Variants in FEZ1 observed in about 807,000 individuals in gnomAD.
FEZ1 encodes fasciculation and elongation protein zeta-1.
Under a neutral mutation model 49.3 loss-of-function variants are expected in FEZ1, and 20 were observed. The ratio of observed to expected loss-of-function variants is 0.41; its 90% CI spans 0.29 to 0.59. The LOEUF (loss-of-function observed/expected upper bound fraction) is 0.59. Among genes scored for constraint, FEZ1 ranks in the 20% least tolerant of loss-of-function variants. The pLI is 0.36. For synonymous variants in FEZ1, 170 were observed against 180.9 expected (o/e 0.94, Z 0.48); for missense variants, 413 against 476.0 (o/e 0.87, Z 1.23).
Position 125,495,671 on chromosome 11 carries a change from A to G in FEZ1, c.-46+450T>C. 2.5e-6 allele frequency: 1 copy of G among 395,144 alleles called. No individual in the cohort carries two copies. The highest frequency in any genetic ancestry group is 5.2e-6 in the Non-Finnish European group (1 of 193,320). 24.5% of individuals were successfully genotyped at this position (395,144 alleles called of 1,614,324 possible). A position where few individuals can be genotyped will look rare whatever the true frequency, so the allele number is the denominator to read the frequency against. ...GGCGTTTACGGTGACTGGACCAGAT[A>G]ACGGTCCCGGGACGAGGTACCGACC... On this transcript the variant is annotated intron_variant, in intron 1 of 9. Transcript: ENST00000278919. The surrounding 1 kb of genome is among the most constrained non-coding windows in gnomAD (Gnocchi z 4.2).
At position 125,443,358 on chromosome 11, in the gene FEZ1, C is replaced by T. The variant is rs993003378; in HGVS notation, c.*2737G>A. Among the ~76,000 whole-genome samples, 1 of 152,210 alleles carries T rather than the reference C, an allele frequency of 6.6e-6. No individual in the cohort carries two copies. Among genetic ancestry groups the T allele is most frequent in the African/African-American group, 2.4e-5 (1 of 41,452 alleles). ...CAATTGGGTTCACCTGATAATCACA[C>T]TAGCCACAAATTCCCTAGGTTCAGC... is the stretch of plus-strand genomic sequence containing the variant. On this transcript the variant is annotated 3_prime_UTR_variant, in exon 10 of 10. Transcript: ENST00000278919.
At chr11:125,481,739 G>T in intron 2 of FEZ1, 106 bp from the exon 3 acceptor site, 1 of 809,012 alleles carries the variant, frequency 1.2e-6, no homozygotes, top group Non-Finnish European at 2.2e-6. Flanking sequence ...TGTGTGCCAG[G>T]CTGAGATCAT....
intron 3 of FEZ1, among the ~76,000 whole-genome samples, chr11:125,474,885 C>A (rs1019514175): frequency 7.2e-5 from 11 of 151,866 alleles, no homozygotes; most frequent in African/African-American, 2.7e-4. Flanking sequence ...AAGACTCCAA[C>A]TCAAAGAAAA....
At chr11:125,466,993 A>T (rs1426402747) in intron 3 of FEZ1, among the ~76,000 whole-genome samples, 1 of 151,120 alleles carries the variant, frequency 6.6e-6, no homozygotes, top group Non-Finnish European at 1.5e-5. Context: ...ACCTTCAGAC[A>T]AAAAGTAAAA....
At chr11:125,450,437 C>T (rs980520089) in intron 8 of FEZ1, among the ~76,000 whole-genome samples, 3 of 152,200 alleles carry the variant, frequency 2.0e-5, no homozygotes, top group Admixed American at 6.5e-5. Context: ...ACGAAGATCA[C>T]GTAAAAATAC....
At chr11:125,487,816 A>G (rs1957339414) in intron 2 of FEZ1, among the ~76,000 whole-genome samples, 1 of 152,234 alleles carries the variant, frequency 6.6e-6, no homozygotes, top group Middle Eastern at 3.2e-3. Context: ...TGTATTAGAC[A>G]GTGGGGCTGT....
intron 2 of FEZ1, among the ~76,000 whole-genome samples, chr11:125,486,316 A>G (rs1463623981): frequency 1.3e-5 from 2 of 152,172 alleles, no homozygotes; most frequent in African/African-American, 2.4e-5. Flanking sequence ...AGGGCCGTCA[A>G]TTTCCATTTT....
At chr11:125,484,928 T>C (rs1256164643) in intron 2 of FEZ1, among the ~76,000 whole-genome samples, 1 of 152,026 alleles carries the variant, frequency 6.6e-6, no homozygotes, top group Non-Finnish European at 1.5e-5. Flanking sequence ...CAGCTTTCTG[T>C]GAGGAAGAGA....
intron 2 of FEZ1, 107 bp from the exon 3 acceptor site, chr11:125,481,740 C>T (rs1957281192): frequency 2.5e-6 from 2 of 785,460 alleles, no homozygotes; most frequent in Middle Eastern, 7.2e-4. Flanking sequence ...GTGTGCCAGG[C>T]TGAGATCATC....
In FEZ1 at chr11:125,446,040, T is replaced by C. The variant is rs866081602; in HGVS notation, c.*55A>G. On this transcript the variant is annotated 3_prime_UTR_variant, in exon 10 of 10. Coordinates refer to ENST00000278919, the MANE Select transcript of FEZ1 (RefSeq NM_005103.5). Reference sequence around the variant, plus strand: ...ACATGGTCTCATGCAGTCCCTGTGATGGAATGACTCTTGCTCAGTGACCTC... The same window carrying C: ...ACATGGTCTCATGCAGTCCCTGTGACGGAATGACTCTTGCTCAGTGACCTC... 2.2e-5 allele frequency: 34 copies of C among 1,561,726 alleles called. 1 individual carries two copies. In the Middle Eastern group the frequency reaches 5.0e-3, roughly 231 times the overall value.
At chr11:125,465,337 C>T (rs1391580018) in intron 3 of FEZ1, among the ~76,000 whole-genome samples, 1 of 152,180 alleles carries the variant, frequency 6.6e-6, no homozygotes, top group Admixed American at 6.5e-5. Context: ...ATATCATCTC[C>T]TCCCTCCCCA....
At chr11:125,448,209 T>C (rs577128538) in intron 9 of FEZ1, among the ~76,000 whole-genome samples, 3 of 152,334 alleles carry the variant, frequency 2.0e-5, no homozygotes, top group African/African-American at 7.2e-5. Context: ...GTTTTGTTTT[T>C]CCCAACTAAA....
rs919694643 is a variant in FEZ1 at position 125,456,036 on chromosome 11, G to C, written c.738C>G (p.Phe246Leu). 1 of 1,612,598 alleles carries C rather than the reference G, an allele frequency of 6.2e-7. No homozygotes were observed. The highest frequency in any genetic ancestry group is 1.3e-5 in the African/African-American group (1 of 74,816). The stretch of plus-strand genomic sequence containing the variant: ...CCAGCTGCTGCACCAGCTCCTCCGA[G>C]AAGTCACGGATGGCACCCTCCACCT... ...LDQVEGAIRDFSEELVQQLAR... is the reference protein window; with the variant it reads ...LDQVEGAIRDLSEELVQQLAR... Residue 246 changes from phenylalanine (F) to leucine (L), a missense_variant, in exon 6 of 10, where the codon TTC becomes TTG. Transcript: ENST00000278919.
chr11:125,493,069 G>A (rs1038268790), intron 1 of FEZ1, among the ~76,000 whole-genome samples: 1 of 151,678 alleles, frequency 6.6e-6, no homozygotes, highest in Non-Finnish European at 1.5e-5. Context: ...GCTCATGCCT[G>A]TAATCCCAGC....
intron 1 of FEZ1, among the ~76,000 whole-genome samples, chr11:125,494,768 A>G (rs976517966): frequency 2.0e-5 from 3 of 152,178 alleles, no homozygotes; most frequent in Admixed American, 1.3e-4. Flanking sequence ...CTGCAGCACA[A>G]TGATGCACTC....
At chr11:125,494,037 C>A (rs1310575783) in intron 1 of FEZ1, among the ~76,000 whole-genome samples, 1 of 152,232 alleles carries the variant, frequency 6.6e-6, no homozygotes, top group Non-Finnish European at 1.5e-5. Flanking sequence ...AATATCACAG[C>A]TCTAGGGTTC....
chr11:125,460,986 C>T (rs1957069109), intron 4 of FEZ1, among the ~76,000 whole-genome samples: 1 of 152,166 alleles, frequency 6.6e-6, no homozygotes, highest in Non-Finnish European at 1.5e-5. Flanking sequence ...ATGTGCTGAG[C>T]TATTTCTAAG....
At chr11:125,491,076 C>T (rs1957376927) in intron 1 of FEZ1, among the ~76,000 whole-genome samples, 1 of 152,138 alleles carries the variant, frequency 6.6e-6, no homozygotes, top group Admixed American at 6.5e-5. Flanking sequence ...TTTTCCCACA[C>T]ATAGAGCATA....
intron 5 of FEZ1, among the ~76,000 whole-genome samples, chr11:125,456,595 A>G (rs1010269575): frequency 6.6e-6 from 1 of 152,188 alleles, no homozygotes; most frequent in Admixed American, 6.5e-5. Flanking sequence ...CCTTCTTTAC[A>G]TCTCTGGTCC....
Sources: gnomAD v4.1 joint callset for allele counts (sites outside exome capture counted in the v4.1 genomes callset) on GRCh38, gnomAD v4.1.1 for gene constraint, Gnocchi (gnomAD v3.1) non-coding constraint, MANE v1.5 for transcripts, NCBI Gene and HGNC (gene_info 2026-07-23, HGNC 2026-07-21) for gene names.